The following SRPK1 variants were observed in gnomAD, a reference collection of about 807,000 sequenced individuals.
SRPK1 encodes the protein SFRS protein kinase 1.
A neutral mutation model predicts 89.5 loss-of-function variants in SRPK1; 52 were observed. That is an observed-to-expected ratio of 0.58 (90% confidence interval 0.46 to 0.73). The LOEUF (loss-of-function observed/expected upper bound fraction) is 0.73, where lower values mean the gene tolerates loss of function less well. Ranked by LOEUF, SRPK1 falls within the 30% of genes least tolerant of loss-of-function variation. The probability of loss-of-function intolerance (pLI) is 0.00; values close to 1 mark genes in which losing one functional copy is unlikely to be tolerated. For synonymous variants in SRPK1, 255 were observed against 270.2 expected, an observed-to-expected ratio of 0.94 and a Z score of 0.55; for missense variants, 603 against 780.6, an observed-to-expected ratio of 0.77 and a Z score of 2.71.
chr6:35,862,924 G>C (rs183457092), intron 12 of SRPK1, among the ~76,000 whole-genome samples: 154 of 152,240 alleles, frequency 1.0e-3, no homozygotes, highest in African/African-American at 3.5e-3. Flanking sequence ...TAGCACTTTT[G>C]GAGGCTAAGG....
chr6:35,889,666 C>T lies in SRPK1; in HGVS notation c.194-743G>A, dbSNP rs549900835. Among the ~76,000 whole-genome samples, 367 of 152,170 alleles carry T rather than the reference C, an allele frequency of 2.4e-3. 2 individuals carry two copies. Among genetic ancestry groups the T allele is most frequent in the Non-Finnish European group, 4.5e-3 (304 of 67,978 alleles). ...CAGTGTCATGGTGCATGCCTGTAGT[C>T]CCAGCTACTCGGGAGGCTGAGGCAG... On this transcript the variant is annotated intron_variant, in intron 3 of 15. Transcript: ENST00000373825.
chr6:35,909,347 T>C (rs1167212959), intron 2 of SRPK1, among the ~76,000 whole-genome samples: 1 of 152,258 alleles, frequency 6.6e-6, no homozygotes, highest in Admixed American at 6.5e-5. Flanking sequence ...AGCCCCTTTG[T>C]TTTGGACAAT....
chr6:35,915,993 TATATACACACACACACAC>T (rs1771088813), intron 2 of SRPK1, among the ~76,000 whole-genome samples: 1 of 51,210 alleles, frequency 2.0e-5, no homozygotes, highest in South Asian at 7.1e-4. Flanking sequence ...AAAAAAAAAA[TATATACACACACACACAC>T]ACACACACAC....
chr6:35,902,197 C>T (rs1255770741), intron 2 of SRPK1, among the ~76,000 whole-genome samples: 1 of 147,678 alleles, frequency 6.8e-6, no homozygotes, highest in Non-Finnish European at 1.5e-5. Flanking sequence ...AATGCTTGAG[C>T]CCAGCCTGGG....
intron 2 of SRPK1, among the ~76,000 whole-genome samples, chr6:35,908,749 G>A (rs375885986): frequency 6.6e-6 from 1 of 152,208 alleles, no homozygotes; most frequent in Admixed American, 6.5e-5. Flanking sequence ...AATGTCGTCA[G>A]GGCATGTCAG....
chr6:35,856,326 T>C lies in SRPK1; in HGVS notation c.1620+935A>G, dbSNP rs370020500. Among the ~76,000 whole-genome samples the C allele has an allele frequency of 2.6e-5, 4 of 151,892 alleles. No individual in the cohort carries two copies. In the South Asian group the frequency reaches 8.3e-4, roughly 31 times the overall value. ...ACGCTCTCAGACTTTCCCCTATGTGTCCTGATTTGTATTCTTTATAATAAA... is the reference window on the plus strand; with the variant it reads ...ACGCTCTCAGACTTTCCCCTATGTGCCCTGATTTGTATTCTTTATAATAAA... On this transcript the variant is annotated intron_variant, in intron 13 of 15. Transcript: ENST00000373825.
At chr6:35,836,710 G>A (rs1411588713) in intron 15 of SRPK1, among the ~76,000 whole-genome samples, 4 of 151,440 alleles carry the variant, frequency 2.6e-5, no homozygotes, top group Non-Finnish European at 4.4e-5. Context: ...AGCCAAGATC[G>A]TGCCACTGTA....
intron 12 of SRPK1, among the ~76,000 whole-genome samples, chr6:35,864,698 C>G (rs976334386): frequency 6.6e-6 from 1 of 152,148 alleles, no homozygotes; most frequent in African/African-American, 2.4e-5. Context: ...CGTATATAAT[C>G]AAACGAAAGG....
chr6:35,881,876 A>G (rs1770298343), intron 6 of SRPK1, among the ~76,000 whole-genome samples: 1 of 152,050 alleles, frequency 6.6e-6, no homozygotes, highest in Admixed American at 6.6e-5. Flanking sequence ...GCAATAGAGG[A>G]CTTAACACAA....
At chr6:35,880,056 C>T in intron 6 of SRPK1, among the ~76,000 whole-genome samples, 1 of 120,790 alleles carries the variant, frequency 8.3e-6, no homozygotes, top group East Asian at 2.4e-4. Context: ...AAGACCTTGA[C>T]AGAGCAAGAC....
At chr6:35,867,457 G>A (rs1202314153) in intron 12 of SRPK1, among the ~76,000 whole-genome samples, 3 of 152,138 alleles carry the variant, frequency 2.0e-5, no homozygotes, top group Non-Finnish European at 4.4e-5. Context: ...AAAAGCATAT[G>A]GCTCTTTGAG....
rs757738053 is a variant in SRPK1, at chr6:35,874,315, A to G, written c.503T>C (p.Leu168Ser). The G allele has an allele frequency of 1.5e-5, 24 of 1,613,140 alleles. No homozygotes were observed. The Admixed American group carries it at 1.8e-4, about 12-fold the overall frequency. ...GATCCACTTGAGCAGATGATGCCCC[A>G]AAACTTCAAATACCATGCAGATATC... ...GTHICMVFEV[L>S]GHHLLKWIIK... The change falls in exon 7 of 16, where the codon TTG becomes TCG. Residue 168 changes from leucine (L) to serine (S), a missense_variant. Physicochemically the swap from Leu to Ser is moderately radical, Grantham distance 145 (BLOSUM62 -2). Coordinates refer to ENST00000373825, the MANE Select transcript of SRPK1 (RefSeq NM_003137.5).
chr6:35,867,974 C>T (rs1228792650), intron 12 of SRPK1, among the ~76,000 whole-genome samples: 2 of 151,942 alleles, frequency 1.3e-5, no homozygotes, highest in Non-Finnish European at 2.9e-5. Context: ...TGTATCTTTT[C>T]TTTTCTTTTT....
chr6:35,835,956 T>C (rs1004807690), intron 15 of SRPK1, among the ~76,000 whole-genome samples: 27 of 152,110 alleles, frequency 1.8e-4, no homozygotes, highest in Non-Finnish European at 2.4e-4. Flanking sequence ...ATGTCAAGCA[T>C]GGATAAAAGC....
intron 12 of SRPK1, among the ~76,000 whole-genome samples, chr6:35,864,717 A>G (rs953000328): frequency 3.3e-4 from 50 of 152,366 alleles, no homozygotes; most frequent in African/African-American, 1.2e-3. Flanking sequence ...GGAAATCTGT[A>G]TATAAAAAAG....
chr6:35,841,372 A>G (rs1271735314), intron 14 of SRPK1, among the ~76,000 whole-genome samples: 1 of 152,202 alleles, frequency 6.6e-6, no homozygotes, highest in African/African-American at 2.4e-5. Context: ...TTGAGAAACA[A>G]AGAGCACTCT....
chr6:35,882,615 T>C (rs1770320111), intron 6 of SRPK1, among the ~76,000 whole-genome samples: 1 of 152,032 alleles, frequency 6.6e-6, no homozygotes, highest in African/African-American at 2.4e-5. Context: ...TTAAGAGTCC[T>C]TGTCATTTAG....
At chr6:35,894,246 A>G (rs1220119635) in intron 2 of SRPK1, among the ~76,000 whole-genome samples, 1 of 151,490 alleles carries the variant, frequency 6.6e-6, no homozygotes, top group Non-Finnish European at 1.5e-5. Flanking sequence ...TAATATGAAT[A>G]GAGAAATGTT....
intron 2 of SRPK1, among the ~76,000 whole-genome samples, chr6:35,917,793 C>T (rs907961042): frequency 6.6e-5 from 10 of 152,152 alleles, no homozygotes; most frequent in Non-Finnish European, 2.9e-5. Context: ...TTCATTTAAA[C>T]GCTTTGTTTT....
Sources: gnomAD v4.1 joint callset for allele counts (sites outside exome capture counted in the v4.1 genomes callset) on GRCh38, gnomAD v4.1.1 for gene constraint, MANE v1.5 for transcripts, NCBI Gene and HGNC (gene_info 2026-07-23, HGNC 2026-07-21) for gene names.